NRG1: variants seen among roughly 807,000 people sequenced by gnomAD.
The protein encoded by NRG1 is neuregulin 1, also known as pro-neuregulin-1, membrane-bound isoform.
A neutral mutation model predicts 63.8 loss-of-function variants in NRG1; 18 were observed. The ratio of observed to expected loss-of-function variants is 0.28; its 90% CI spans 0.19 to 0.42. NRG1 has a LOEUF of 0.42. Ranked by LOEUF, NRG1 falls within the 10% of genes least tolerant of loss-of-function variation. The probability of loss-of-function intolerance (pLI) is 1.00; values close to 1 mark genes in which losing one functional copy is unlikely to be tolerated. For synonymous variants in NRG1, 302 were observed against 301.3 expected, an observed-to-expected ratio of 1.00 and a Z score of -0.02; for missense variants, 762 against 814.7, an observed-to-expected ratio of 0.94 and a Z score of 0.79.
At chr8:32,721,736 G>A (rs1000694883) in intron 5 of NRG1, 24 of 832,134 alleles carry the variant, frequency 2.9e-5, no homozygotes, top group Middle Eastern at 4.3e-4. Flanking sequence ...CAAGGCTTCC[G>A]TGGTTCTGAG....
At chr8:32,217,184 A>G (rs1332125004) in intron 1 of NRG1, among the ~76,000 whole-genome samples, 2 of 145,774 alleles carry the variant, frequency 1.4e-5, no homozygotes, top group African/African-American at 5.1e-5. Context: ...CTGAAACCCC[A>G]GCCTGGGTAA....
chr8:32,716,114 C>G (rs191759569), intron 5 of NRG1, among the ~76,000 whole-genome samples: 1 of 152,216 alleles, frequency 6.6e-6, no homozygotes, highest in South Asian at 2.1e-4. Flanking sequence ...GCATATGTCT[C>G]TCCATTATGG....
At chr8:32,215,781 C>G (rs1462223194) in intron 1 of NRG1, among the ~76,000 whole-genome samples, 1 of 152,152 alleles carries the variant, frequency 6.6e-6, no homozygotes, top group African/African-American at 2.4e-5. Flanking sequence ...GTGGCTCACA[C>G]CTGTAATCCC....
intron 1 of NRG1, among the ~76,000 whole-genome samples, chr8:31,669,537 C>T (rs542635018): frequency 8.5e-4 from 130 of 152,192 alleles, no homozygotes; most frequent in Non-Finnish European, 1.5e-3. Context: ...CTGCACTCAG[C>T]CTTATACAAT....
At chr8:31,776,133 AG>A (rs1819110309) in intron 1 of NRG1, among the ~76,000 whole-genome samples, 2 of 152,160 alleles carry the variant, frequency 1.3e-5, no homozygotes, top group African/African-American at 4.8e-5. Flanking sequence ...TCAAATTTTT[AG>A]GTTTTGTCAT....
At chr8:31,821,153 C>G (rs1456389122) in intron 1 of NRG1, among the ~76,000 whole-genome samples, 1 of 152,042 alleles carries the variant, frequency 6.6e-6, no homozygotes, top group African/African-American at 2.4e-5. Flanking sequence ...AAAGTTTGTA[C>G]ATGTTCAATA....
At position 31,972,701 on chromosome 8, in the gene NRG1, C is replaced by T. The variant is rs1213471286; in HGVS notation, c.37+333270C>T. Among the ~76,000 whole-genome samples, 4 of 152,246 alleles carry T rather than the reference C, an allele frequency of 2.6e-5. No individual in the cohort carries two copies. The East Asian group carries it at 7.8e-4, about 30-fold the overall frequency. On this transcript the variant is annotated intron_variant, in intron 1 of 10. Coordinates refer to the NRG1 transcript ENST00000519301. Reference sequence around the variant, plus strand: ...GGTCTCTCATCGCCCTTCACCACTCCTGCAGCCAGTCAGAACAGCTGGTCA... The same window carrying T: ...GGTCTCTCATCGCCCTTCACCACTCTTGCAGCCAGTCAGAACAGCTGGTCA...
intron 1 of NRG1, among the ~76,000 whole-genome samples, chr8:31,785,277 T>C (rs557664882): frequency 2.0e-5 from 3 of 152,116 alleles, no homozygotes; most frequent in Non-Finnish European, 4.4e-5. Flanking sequence ...CCTTCAAGGA[T>C]TGGCAGTTGA....
At chr8:32,168,925 C>T (rs528471958) in intron 1 of NRG1, among the ~76,000 whole-genome samples, 1 of 152,260 alleles carries the variant, frequency 6.6e-6, no homozygotes, top group African/African-American at 2.4e-5. Flanking sequence ...ACTTTTTCTT[C>T]ATCTTCCCCA....
intron 1 of NRG1, among the ~76,000 whole-genome samples, chr8:32,268,826 C>A (rs1369282796): frequency 6.6e-6 from 1 of 152,070 alleles, no homozygotes; most frequent in Non-Finnish European, 1.5e-5. Flanking sequence ...ATGGTTTGAC[C>A]AGCCCTGTGC....
At chr8:32,195,699 A>G (rs1842887839) in intron 1 of NRG1, among the ~76,000 whole-genome samples, 1 of 152,234 alleles carries the variant, frequency 6.6e-6, no homozygotes, top group Non-Finnish European at 1.5e-5. Context: ...CTCCCAAACC[A>G]CAGTAGTCTC....
chr8:31,687,016 G>T (rs1808967662), intron 1 of NRG1, among the ~76,000 whole-genome samples: 1 of 152,052 alleles, frequency 6.6e-6, no homozygotes, highest in African/African-American at 2.4e-5. Flanking sequence ...GGATCTGCCA[G>T]CCTCGGCCTC....
intron 5 of NRG1, among the ~76,000 whole-genome samples, chr8:32,678,073 T>A (rs1392108279): frequency 3.3e-5 from 5 of 152,210 alleles, no homozygotes. Context: ...TACTGACAAA[T>A]GCTATTTTTA....
chr8:32,548,272 T>C, exon 1 of NRG1: 1 of 986,618 alleles, frequency 1.0e-6, no homozygotes, highest in Non-Finnish European at 1.2e-6. Context: ...GGTGGGTGGC[T>C]GCGGGGCAAT....
chr8:32,243,716 A>G (rs1848346620), intron 1 of NRG1, among the ~76,000 whole-genome samples: 1 of 152,034 alleles, frequency 6.6e-6, no homozygotes. Flanking sequence ...CCTAATCTCT[A>G]CTGTGACGGT....
At chr8:31,854,206 C>A (rs1396732246) in intron 1 of NRG1, among the ~76,000 whole-genome samples, 3 of 151,430 alleles carry the variant, frequency 2.0e-5, no homozygotes. Context: ...CCTCCTTGTA[C>A]CTCTGGTAGA....
chr8:32,748,509 G>A (rs145845054), intron 7 of NRG1, among the ~76,000 whole-genome samples: 1 of 151,928 alleles, frequency 6.6e-6, no homozygotes, highest in Non-Finnish European at 1.5e-5. Context: ...TTTTTGGGGG[G>A]CTTGTTTTCC....
chr8:32,441,681 C>T (rs1449798448), intron 1 of NRG1, among the ~76,000 whole-genome samples: 1 of 152,102 alleles, frequency 6.6e-6, no homozygotes, highest in Non-Finnish European at 1.5e-5. Flanking sequence ...GCTTTCAAGA[C>T]TCTTCAAAGA....
upstream of NRG1, among the ~76,000 whole-genome samples, chr8:32,547,906 C>T (rs1256373158): frequency 2.0e-5 from 3 of 152,156 alleles, no homozygotes; most frequent in Non-Finnish European, 4.4e-5. Flanking sequence ...CTTTTCTCTG[C>T]GCCGTCCTTT....
Sources: gnomAD v4.1 joint callset for allele counts (sites outside exome capture counted in the v4.1 genomes callset) on GRCh38, gnomAD v4.1.1 for gene constraint, MANE v1.5 for transcripts, NCBI Gene and HGNC (gene_info 2026-07-23, HGNC 2026-07-21) for gene names.